MICAL3: variants seen among roughly 807,000 people sequenced by gnomAD.
MICAL3 encodes [F-actin]-monooxygenase MICAL3.
A neutral mutation model predicts 207.4 loss-of-function variants in MICAL3; 62 were observed. The observed-to-expected ratio is 0.30, with a 90% CI of 0.24 to 0.37. The LOEUF is 0.37. Ranked by LOEUF, MICAL3 falls within the 10% of genes least tolerant of loss-of-function variation. MICAL3 has a pLI of 1.00. For missense variants in MICAL3, 2,368 were observed against 2,635.6 expected, an observed-to-expected ratio of 0.90 and a Z score of 2.22; for synonymous variants, 1,077 against 1,069.3, an observed-to-expected ratio of 1.01 and a Z score of -0.14.
rs113216626 is a variant in MICAL3, at chr22:17,863,631, G to A, written c.2605+1268C>T. On this transcript the variant is annotated intron_variant, in intron 19 of 31. Transcript: ENST00000441493. ...CTTGCTCAGATGATAATAAGGGCAC[G>A]TGCAGTAGCAGAAGCTGCGTTCACC... is the stretch of plus-strand genomic sequence containing the variant. The A allele has an allele frequency of 2.0e-4, 202 of 985,460 alleles. No homozygotes were observed. The African/African-American group carries it at 2.8e-3, about 14-fold the overall frequency. The allele number at this position is 985,460 out of a possible 1,614,324, so 61.0% of individuals were successfully genotyped here.
Position 17,899,464 on chromosome 22 carries a change from T to C in MICAL3, c.932A>G (p.Lys311Arg), listed in dbSNP as rs1221568976. Residue 311 changes from lysine to arginine, a missense_variant, in exon 7 of 32, where the codon AAA becomes AGA. This residue lies in a region of MICAL3 where 400 missense variants were observed against 547.0 expected (regional missense o/e 0.73). Coordinates refer to ENST00000441493, the MANE Select transcript of MICAL3 (RefSeq NM_015241.3). ...GTGGCTCACATGTAGTATCACTCCT[T>C]TGTCCAGCAAACTCTGCTTTTTGGC... is the stretch of plus-strand genomic sequence containing the variant. Reference protein sequence around the residue: ...MTAKKQSLLDKGVILHDYADT... With the variant: ...MTAKKQSLLDRGVILHDYADT... The C allele has an allele frequency of 3.7e-6, 6 of 1,606,428 alleles. No homozygotes were observed. The highest frequency in any genetic ancestry group is 4.3e-6 in the Non-Finnish European group (5 of 1,175,008).
intron 1 of MICAL3, among the ~76,000 whole-genome samples, chr22:17,941,109 G>A (rs779574466): frequency 7.2e-5 from 11 of 152,268 alleles, no homozygotes; most frequent in Middle Eastern, 3.4e-3. Flanking sequence ...AAACACAGCA[G>A]GTGCTTCATC....
intron 1 of MICAL3, among the ~76,000 whole-genome samples, chr22:17,975,183 G>T (rs977725581): frequency 5.3e-5 from 8 of 152,160 alleles, no homozygotes; most frequent in African/African-American, 1.7e-4. Context: ...TCTGCAGAAG[G>T]GAAAGGCCAG....
At chr22:17,894,162 T>C (rs1930627436) in intron 10 of MICAL3, among the ~76,000 whole-genome samples, 1 of 151,994 alleles carries the variant, frequency 6.6e-6, no homozygotes, top group Non-Finnish European at 1.5e-5. Flanking sequence ...CTATAATCCC[T>C]ATAGTTGGGG....
At chr22:17,962,227 C>T (rs1038646979) in intron 1 of MICAL3, among the ~76,000 whole-genome samples, 9 of 151,628 alleles carry the variant, frequency 5.9e-5, no homozygotes, top group African/African-American at 2.2e-4. Flanking sequence ...GGAAAACTAA[C>T]GTAAGTGCGA....
chr22:17,953,930 CAA>C (rs59740388), intron 1 of MICAL3, among the ~76,000 whole-genome samples: 12 of 86,514 alleles, frequency 1.4e-4, no homozygotes, highest in African/African-American at 2.9e-4. Context: ...GACTCCATCT[CAA>C]AAAAAAAAAA....
chr22:17,808,883 T>C lies in MICAL3; in HGVS notation c.5611A>G (p.Arg1871Gly), dbSNP rs1480640890. 20 of 1,553,224 alleles carry C rather than the reference T, an allele frequency of 1.3e-5. No individual in the cohort carries two copies. The highest frequency in any genetic ancestry group is 1.7e-5 in the Non-Finnish European group (19 of 1,148,306). The change falls in exon 29 of 32, where the codon AGG becomes GGG. Residue 1871 changes from arginine to glycine, a missense_variant. Coordinates refer to ENST00000441493, the MANE Select transcript of MICAL3 (RefSeq NM_015241.3). The part of the protein sequence containing the change: ...VEERQRRLEE[R>G]GVAVEKALRG... The stretch of plus-strand genomic sequence containing the variant: ...AGCGCCTTCTCCACAGCCACGCCCC[T>C]TTCCTCCAGCCGCCGCTGCCTCTCC...
intron 22 of MICAL3, among the ~76,000 whole-genome samples, 185 bp downstream of exon 22, chr22:17,827,459 A>G (rs1470236367): frequency 1.3e-5 from 2 of 152,178 alleles, no homozygotes; most frequent in Non-Finnish European, 2.9e-5. Context: ...TCCACAGAGA[A>G]CTTCACATAT....
At chr22:17,861,205 C>CCTGG in intron 19 of MICAL3, 1 of 985,368 alleles carries the variant, frequency 1.0e-6, no homozygotes, top group Non-Finnish European at 1.2e-6. Flanking sequence ...AATTCTACTG[C>CCTGG]CTGGCTACCC....
At chr22:18,001,134 G>A (rs111962856) in intron 1 of MICAL3, 41,622 of 152,154 alleles carry the variant, frequency 0.27, 6,530 homozygotes, top group African/African-American at 0.42. Flanking sequence ...GGGAACGCGA[G>A]GCGGGGGCTT....
At chr22:17,961,478 C>G (rs1183645461) in intron 1 of MICAL3, among the ~76,000 whole-genome samples, 4 of 152,104 alleles carry the variant, frequency 2.6e-5, no homozygotes, top group South Asian at 2.1e-4. Flanking sequence ...GTCTCCAAAT[C>G]TGCCTCCTTC....
intron 1 of MICAL3, among the ~76,000 whole-genome samples, chr22:17,940,391 T>A (rs1241408881): frequency 6.6e-6 from 1 of 151,954 alleles, no homozygotes; most frequent in Non-Finnish European, 1.5e-5. Context: ...GGTGACATAG[T>A]GTGACTCTGT....
rs1239655452 is a variant in MICAL3, at chr22:17,976,531, A to ATGTGTGTGTGTGTGTGTGTGTGTGTG, written c.-75+47749_-75+47750insCACACACACACACACACACACACACA. Among the ~76,000 whole-genome samples the ATGTGTGTGTGTGTGTGTGTGTGTGTG allele has an allele frequency of 4.4e-5, 5 of 114,740 alleles. 1 individual carries two copies. The highest frequency in any genetic ancestry group is 1.5e-4 in the African/African-American group (4 of 25,840). 75.3% of individuals were successfully genotyped at this position (114,740 alleles called of 152,430 possible). A position where few individuals can be genotyped will look rare whatever the true frequency, so the allele number is the denominator to read the frequency against. ...AAAATATACATGTATATATGTGTAT[A>ATGTGTGTGTGTGTGTGTGTGTGTGTG]TATATGTGTGTGTGTGTGTGTGTGT... On this transcript the variant is annotated intron_variant, in intron 1 of 31. Coordinates refer to ENST00000441493, the MANE Select transcript of MICAL3 (RefSeq NM_015241.3).
At chr22:17,967,984 A>T (rs1183188321) in intron 1 of MICAL3, among the ~76,000 whole-genome samples, 1 of 152,074 alleles carries the variant, frequency 6.6e-6, no homozygotes, top group Non-Finnish European at 1.5e-5. Context: ...CGGAGGTTGC[A>T]GTGAGCCAAG....
intron 1 of MICAL3, among the ~76,000 whole-genome samples, chr22:17,917,508 C>T (rs1932606113): frequency 6.6e-6 from 1 of 152,212 alleles, no homozygotes; most frequent in Non-Finnish European, 1.5e-5. Flanking sequence ...GAGACACCAC[C>T]AGCTCTCACT....
At chr22:17,873,029 G>T (rs1927885427) in intron 16 of MICAL3, among the ~76,000 whole-genome samples, 1 of 152,250 alleles carries the variant, frequency 6.6e-6, no homozygotes, top group South Asian at 2.1e-4. Flanking sequence ...CCGGGTGGAA[G>T]AAAAACATCG....
chr22:17,890,069 TC>T (rs549215830), intron 12 of MICAL3, among the ~76,000 whole-genome samples: 63 of 152,304 alleles, frequency 4.1e-4, no homozygotes, highest in African/African-American at 1.5e-3. Flanking sequence ...TTGCTAAGTT[TC>T]CTATTTAGAT....
intron 1 of MICAL3, among the ~76,000 whole-genome samples, chr22:18,008,003 G>A (rs1388682700): frequency 6.6e-6 from 1 of 151,436 alleles, no homozygotes; most frequent in African/African-American, 2.4e-5. Context: ...CACTTCGGGA[G>A]GCTGAAGCAG....
intron 1 of MICAL3, among the ~76,000 whole-genome samples, chr22:17,988,829 AAAATTTAAGTTTCAGAGGCCAC>A (rs1229664616): frequency 1.3e-5 from 2 of 152,220 alleles, no homozygotes; most frequent in Non-Finnish European, 2.9e-5. Flanking sequence ...AAAATGACAT[AAAATTTAAGTTTCAGAGGCCAC>A]AAATAAAAGC....
Sources: gnomAD v4.1 joint callset for allele counts (sites outside exome capture counted in the v4.1 genomes callset) on GRCh38, gnomAD v4.1.1 for gene constraint, gnomAD v4.1.1 regional missense constraint, MANE v1.5 for transcripts, NCBI Gene and HGNC (gene_info 2026-07-23, HGNC 2026-07-21) for gene names.